The following MED24 variants were observed in gnomAD, a reference collection of about 807,000 sequenced individuals.
MED24 encodes mediator complex subunit 24, also known as mediator of RNA polymerase II transcription subunit 24.
A neutral mutation model predicts 118.8 loss-of-function variants in MED24; 74 were observed. The ratio of observed to expected loss-of-function variants is 0.62; its 90% CI spans 0.52 to 0.76. The LOEUF (loss-of-function observed/expected upper bound fraction) is 0.76. MED24 is among the 30% of genes least tolerant of loss of function. The pLI is 0.00. For synonymous variants in MED24, 521 were observed against 523.9 expected (o/e 0.99, Z 0.08); for missense variants, 1,041 against 1,278.9 (o/e 0.81, Z 2.84).
rs1354397320 is a variant in MED24 at position 40,028,815 on chromosome 17, G to T, written c.1409+11C>A. 6.2e-7 allele frequency: 1 copy of T among 1,613,296 alleles called. No homozygotes were observed. Among genetic ancestry groups the T allele is most frequent in the South Asian group, 1.1e-5 (1 of 91,022 alleles). On this transcript the variant is annotated intron_variant, in intron 14 of 25. Coordinates refer to ENST00000394128, the MANE Select transcript of MED24 (RefSeq NM_014815.4). ...TGCACGCCCTGGGGTCAGGGGCTTGGCCTTCCTCACTTGATGAATTTCCGG... is the reference window on the plus strand; with the variant it reads ...TGCACGCCCTGGGGTCAGGGGCTTGTCCTTCCTCACTTGATGAATTTCCGG...
At chr17:40,027,649 A>AC in intron 15 of MED24, 184 bp from the exon 16 acceptor site, 3 of 665,646 alleles carry the variant, frequency 4.5e-6, no homozygotes, top group Non-Finnish European at 7.7e-6. Flanking sequence ...GAGACCAAAG[A>AC]CCCCCAGCAC....
intron 12 of MED24, among the ~76,000 whole-genome samples, chr17:40,030,517 A>G (rs1983229828): frequency 6.6e-6 from 1 of 151,808 alleles, no homozygotes; most frequent in Admixed American, 6.6e-5. Flanking sequence ...GCTGGTCTCA[A>G]ACTCCTGACC....
intron 13 of MED24, 75 bp downstream of exon 13, chr17:40,029,673 T>G: frequency 7.1e-7 from 1 of 1,408,618 alleles, no homozygotes; most frequent in Non-Finnish European, 1.0e-6. Flanking sequence ...GGCCTCTGTT[T>G]ATTTATCTGC....
Position 40,035,549 on chromosome 17 carries a change from ACT to A in MED24, c.326+171_326+172del, listed in dbSNP as rs879093779. On this transcript the variant is annotated intron_variant, in intron 5 of 25. Transcript: ENST00000394128. ...GAGCTACTCCAGACAGAGAGGAGGC[ACT>A]CTGTCCTAAGGGAGTAAGAAAAGGA... is the stretch of plus-strand genomic sequence containing the variant. Among the ~76,000 whole-genome samples, 7 of 152,082 alleles carry A rather than the reference ACT, an allele frequency of 4.6e-5. No individual in the cohort carries two copies. The South Asian group carries it at 1.5e-3, about 32-fold the overall frequency.
At chr17:40,023,036 C>G (rs987126912) in intron 20 of MED24, 95 bp downstream of exon 20, 3 of 1,503,536 alleles carry the variant, frequency 2.0e-6, no homozygotes, top group African/African-American at 1.4e-5. Context: ...ACCTGGCTCA[C>G]GGCAGCCTCT....
At chr17:40,040,663 G>A (rs1984467541) in intron 3 of MED24, among the ~76,000 whole-genome samples, 1 of 149,304 alleles carries the variant, frequency 6.7e-6, no homozygotes, top group African/African-American at 2.5e-5. Context: ...CTGTTGCCCA[G>A]GCTGGAGTGC....
chr17:40,048,472 A>C (rs1404326230), intron 3 of MED24, among the ~76,000 whole-genome samples: 5 of 152,222 alleles, frequency 3.3e-5, no homozygotes, highest in African/African-American at 9.6e-5. Flanking sequence ...TATTGTCCAA[A>C]TTACCAATTC....
rs759916073 is a variant in MED24 at position 40,032,037 on chromosome 17, A to G, written c.984+6T>C. ...TCCCATGCCTCCATCTCAATCCCCA[A>G]CTCACCTTGTCTCCATGAGAGTACT... is the stretch of plus-strand genomic sequence containing the variant. On this transcript the variant is annotated splice_donor_region_variant and intron_variant, in intron 10 of 25. Transcript: ENST00000394128. 5 of 1,612,818 alleles carry G rather than the reference A, an allele frequency of 3.1e-6. No individual in the cohort carries two copies. The South Asian group carries it at 3.3e-5, about 11-fold the overall frequency.
intron 19 of MED24, 154 bp from the exon 20 acceptor site, chr17:40,023,549 C>A: frequency 1.4e-6 from 1 of 699,330 alleles, no homozygotes; most frequent in Non-Finnish European, 2.3e-6. Flanking sequence ...CGGTATACCC[C>A]GGGGTGACCT....
At position 40,044,389 on chromosome 17, in the gene MED24, G is replaced by A. The variant is rs1172275245; in HGVS notation, c.214-8235C>T. On this transcript the variant is annotated intron_variant, in intron 3 of 25. Coordinates refer to ENST00000394128, the MANE Select transcript of MED24 (RefSeq NM_014815.4). ...ACAAAAATTAGCTGGGCATGGTGGC[G>A]CATGCCTGTAATCCCAGCTACTCGG... 1.4e-4 allele frequency among the ~76,000 whole-genome samples: 21 copies of A among 151,336 alleles called. 1 individual carries two copies. Among genetic ancestry groups the A allele is most frequent in the Middle Eastern group, 3.4e-3 (1 of 290 alleles).
chr17:40,031,696 G>A, intron 10 of MED24, 76 bp from the exon 11 acceptor site: 2 of 1,394,496 alleles, frequency 1.4e-6, no homozygotes, highest in Admixed American at 1.9e-5. Context: ...CTTGTCTGCT[G>A]GAGGCATCGG....
At chr17:40,045,840 C>T (rs1010160992) in intron 3 of MED24, among the ~76,000 whole-genome samples, 2 of 152,146 alleles carry the variant, frequency 1.3e-5, no homozygotes, top group African/African-American at 2.4e-5. Flanking sequence ...TACAGTGGTT[C>T]GATCTTGGCT....
intron 12 of MED24, 76 bp from the exon 13 acceptor site, chr17:40,029,935 C>T: frequency 7.2e-7 from 1 of 1,386,084 alleles, no homozygotes; most frequent in Admixed American, 1.8e-5. Flanking sequence ...TCGTTCAAGC[C>T]CGGAAGGAAA....
rs1982626173 is a variant in MED24, at chr17:40,026,187, T to TA, written c.1953dup (p.Ser652Ter). 2 of 1,614,086 alleles carry TA rather than the reference T, an allele frequency of 1.2e-6. No individual in the cohort carries two copies. ...TTGTAGAACTGCAGGGTGTTCTCAC[T>TA]AAACAGTGGCCCTGCCAGCTGGCGG... On this transcript the variant is annotated frameshift_variant, in exon 19 of 26. Transcript: ENST00000394128. LOFTEE classifies it high-confidence loss of function.
At chr17:40,027,977 C>T in intron 14 of MED24, 31 bp from the exon 15 acceptor site, 2 of 1,612,366 alleles carry the variant, frequency 1.2e-6, no homozygotes, top group Non-Finnish European at 8.5e-7. Context: ...CTGCATTGAC[C>T]AGGGCATGAG....
At chr17:40,030,960 G>C (rs562747078) in intron 12 of MED24, among the ~76,000 whole-genome samples, 199 bp downstream of exon 12, 2 of 152,298 alleles carry the variant, frequency 1.3e-5, no homozygotes, top group Admixed American at 1.3e-4. Flanking sequence ...GAGTTAAAGA[G>C]CAGTGACTAA....
intron 3 of MED24, among the ~76,000 whole-genome samples, chr17:40,039,153 A>C (rs1285890421): frequency 6.6e-6 from 1 of 152,250 alleles, no homozygotes; most frequent in African/African-American, 2.4e-5. Flanking sequence ...GCCATTCGTC[A>C]AAATGAATTT....
intron 8 of MED24, 103 bp from the exon 9 acceptor site, chr17:40,032,865 C>T: frequency 7.5e-7 from 1 of 1,325,248 alleles, no homozygotes; most frequent in Non-Finnish European, 1.1e-6. Flanking sequence ...ATGGCAGAGT[C>T]ACTGCTCAGC....
At chr17:40,038,743 G>A (rs935340217) in intron 3 of MED24, among the ~76,000 whole-genome samples, 7 of 150,802 alleles carry the variant, frequency 4.6e-5, no homozygotes, top group African/African-American at 9.8e-5. Flanking sequence ...GAAGAAAGCC[G>A]TCTGCTCAAT....
Sources: allele counts gnomAD v4.1 joint callset (sites outside exome capture counted in the v4.1 genomes callset), GRCh38; gene constraint gnomAD v4.1.1; transcripts MANE v1.5; gene names NCBI Gene and HGNC (gene_info 2026-07-23, HGNC 2026-07-21).